Variants in CLSTN2 observed in about 807,000 individuals in gnomAD.
CLSTN2 encodes the protein calsyntenin 2.
In CLSTN2, 48 loss-of-function variants were observed where a neutral mutation model predicts 101.2. That is an observed-to-expected ratio of 0.47 (90% CI 0.38 to 0.60). The LOEUF is 0.60. Ranked by LOEUF, CLSTN2 falls within the 20% of genes least tolerant of loss-of-function variation. CLSTN2 has a pLI of 0.00. For missense variants in CLSTN2, 1,160 were observed against 1,238.2 expected, an observed-to-expected ratio of 0.94 and a Z score of 0.95; for synonymous variants, 481 against 463.6, an observed-to-expected ratio of 1.04 and a Z score of -0.48.
At chr3:139,953,953 GTT>G (rs1491493481) in intron 1 of CLSTN2, among the ~76,000 whole-genome samples, 3 of 152,052 alleles carry the variant, frequency 2.0e-5, no homozygotes, top group African/African-American at 7.2e-5. Context: ...GTGTGTGTGT[GTT>G]TGTGTTGGCT....
chr3:140,424,229 G>T (rs988206545), intron 5 of CLSTN2, among the ~76,000 whole-genome samples: 2 of 152,216 alleles, frequency 1.3e-5, no homozygotes, highest in Non-Finnish European at 2.9e-5. Context: ...GCCAAACTGT[G>T]TTTGGCATCC....
intron 1 of CLSTN2, among the ~76,000 whole-genome samples, chr3:139,994,924 T>C (rs576891084): frequency 6.6e-6 from 1 of 152,328 alleles, no homozygotes; most frequent in South Asian, 2.1e-4. Context: ...CTCTTAGATG[T>C]CCTTCCTAAA....
intron 4 of CLSTN2, among the ~76,000 whole-genome samples, chr3:140,418,494 T>G (rs2088455014): frequency 8.7e-6 from 1 of 115,466 alleles, no homozygotes; most frequent in African/African-American, 4.5e-5. Context: ...ATTCTAGTTC[T>G]TTCTTTCTTT....
At chr3:140,252,389 C>T (rs761508660) in intron 2 of CLSTN2, among the ~76,000 whole-genome samples, 8 of 152,190 alleles carry the variant, frequency 5.3e-5, no homozygotes, top group Non-Finnish European at 1.2e-4. Context: ...GGTCCACAGA[C>T]TAGCAGCATG....
chr3:140,013,038 A>G (rs1267535423), intron 1 of CLSTN2, among the ~76,000 whole-genome samples: 5 of 152,178 alleles, frequency 3.3e-5, no homozygotes, highest in Non-Finnish European at 7.4e-5. Context: ...TGTCAGCATC[A>G]TGGAGGCCAA....
chr3:140,197,771 A>T (rs1278655821), intron 2 of CLSTN2, among the ~76,000 whole-genome samples: 1 of 152,190 alleles, frequency 6.6e-6, no homozygotes, highest in Non-Finnish European at 1.5e-5. Context: ...CTGGCTCAAA[A>T]TGTCAATAAT....
At chr3:140,379,077 C>A (rs954643035) in intron 2 of CLSTN2, among the ~76,000 whole-genome samples, 3 of 152,216 alleles carry the variant, frequency 2.0e-5, no homozygotes, top group Admixed American at 2.0e-4. Context: ...ACATTCTGCT[C>A]CATTCCAATC....
At chr3:140,171,750 A>ATGTATAATATATAATATATAATATGTAT (rs2010227261) in intron 1 of CLSTN2, among the ~76,000 whole-genome samples, 2 of 103,460 alleles carry the variant, frequency 1.9e-5, no homozygotes, top group East Asian at 2.3e-4. Context: ...AATATATAAT[A>ATGTATAATATATAATATATAATATGTAT]TGTATAATAT....
chr3:140,187,986 C>T (rs1013156727), intron 2 of CLSTN2, among the ~76,000 whole-genome samples: 3 of 152,132 alleles, frequency 2.0e-5, no homozygotes, highest in African/African-American at 4.8e-5. Flanking sequence ...CCTTTGGCTT[C>T]CATCCTCATG....
intron 5 of CLSTN2, among the ~76,000 whole-genome samples, chr3:140,430,474 G>C (rs1156814332): frequency 6.6e-6 from 1 of 152,186 alleles, no homozygotes; most frequent in East Asian, 1.9e-4. Context: ...AGTGCATGTA[G>C]ATAAAGATTT....
In CLSTN2 at chr3:140,175,519, A is replaced by G. The variant is rs534099039; in HGVS notation, c.110-432A>G. ...GTTGAGGTCAGAAAGCTGAGCATAC[A>G]TAGTAGTAACTGCTAGTTTATTGAG... On this transcript the variant is annotated intron_variant, in intron 1 of 16. Coordinates refer to ENST00000458420, the MANE Select transcript of CLSTN2 (RefSeq NM_022131.3). Among the ~76,000 whole-genome samples the G allele has an allele frequency of 2.6e-5, 4 of 152,344 alleles. No homozygotes were observed. The South Asian group carries it at 6.2e-4, about 24-fold the overall frequency.
intron 2 of CLSTN2, among the ~76,000 whole-genome samples, chr3:140,200,282 G>A (rs1320257): frequency 0.99 from 150,808 of 152,322 alleles, 74,664 homozygotes; most frequent in East Asian, 1. Flanking sequence ...ATATAATGAA[G>A]GATACAGAAC....
chr3:140,064,990 A>C (rs1435524436), intron 1 of CLSTN2, among the ~76,000 whole-genome samples: 2 of 152,374 alleles, frequency 1.3e-5, no homozygotes, highest in East Asian at 3.9e-4. Context: ...AAATCTCTGA[A>C]ATGTATGGCA....
At chr3:140,318,112 G>T (rs1260480680) in intron 2 of CLSTN2, among the ~76,000 whole-genome samples, 2 of 152,180 alleles carry the variant, frequency 1.3e-5, no homozygotes, top group African/African-American at 4.8e-5. Context: ...TGTAAATGAT[G>T]GAGCCACGGT....
At chr3:140,093,815 C>T (rs2008822329) in intron 1 of CLSTN2, among the ~76,000 whole-genome samples, 1 of 152,170 alleles carries the variant, frequency 6.6e-6, no homozygotes, top group Non-Finnish European at 1.5e-5. Flanking sequence ...GTCAAACCTA[C>T]TATTTCTAAG....
chr3:140,465,516 G>C (rs1933674148), intron 7 of CLSTN2, among the ~76,000 whole-genome samples: 2 of 152,174 alleles, frequency 1.3e-5, no homozygotes, highest in Non-Finnish European at 2.9e-5. Context: ...TCCTGAACAA[G>C]TCATGTGCTG....
At chr3:140,432,929 A>G (rs2088649540) in intron 5 of CLSTN2, among the ~76,000 whole-genome samples, 1 of 152,186 alleles carries the variant, frequency 6.6e-6, no homozygotes, top group African/African-American at 2.4e-5. Context: ...GCACGTGGTC[A>G]TTTATTCTTC....
At chr3:140,241,794 T>G (rs1000122691) in intron 2 of CLSTN2, among the ~76,000 whole-genome samples, 33 of 145,860 alleles carry the variant, frequency 2.3e-4, no homozygotes, top group African/African-American at 6.2e-4. Context: ...ATGCGAGATA[T>G]ATATATATAT....
At chr3:140,330,102 T>C (rs1003611113) in intron 2 of CLSTN2, among the ~76,000 whole-genome samples, 1 of 152,224 alleles carries the variant, frequency 6.6e-6, no homozygotes, top group Non-Finnish European at 1.5e-5. Context: ...TGGCTTCTCC[T>C]GGAAGAGAGA....
Sources: allele counts gnomAD v4.1 joint callset (sites outside exome capture counted in the v4.1 genomes callset), GRCh38; gene constraint gnomAD v4.1.1; transcripts MANE v1.5; gene names NCBI Gene and HGNC (gene_info 2026-07-23, HGNC 2026-07-21).